MRPS9: variants seen among roughly 807,000 people sequenced by gnomAD.
The protein encoded by MRPS9 is small ribosomal subunit protein uS9m.
In MRPS9, 45 loss-of-function variants were observed where a neutral mutation model predicts 59.9. The ratio of observed to expected loss-of-function variants is 0.75; its 90% CI spans 0.59 to 0.96. The LOEUF is 0.96. MRPS9 is among the 40% of genes least tolerant of loss of function. MRPS9 has a pLI of 0.00. For synonymous variants in MRPS9, 171 were observed against 166.8 expected (o/e 1.03, Z -0.19); for missense variants, 473 against 481.1 (o/e 0.98, Z 0.16).
intron 5 of MRPS9, among the ~76,000 whole-genome samples, chr2:105,084,859 T>A (rs1482611702): frequency 6.6e-6 from 1 of 152,190 alleles, no homozygotes; most frequent in Admixed American, 6.5e-5. Context: ...ATATCTGGTA[T>A]GCTCCAAGTG....
chr2:105,077,916 TAA>T (rs1377801829), intron 4 of MRPS9, among the ~76,000 whole-genome samples: 1 of 152,180 alleles, frequency 6.6e-6, no homozygotes, highest in Non-Finnish European at 1.5e-5. Context: ...TAACTTTACT[TAA>T]AGTTTTGGCA....
At chr2:105,083,256 T>C (rs962709263) in intron 5 of MRPS9, among the ~76,000 whole-genome samples, 1 of 152,204 alleles carries the variant, frequency 6.6e-6, no homozygotes, top group Non-Finnish European at 1.5e-5. Context: ...TACAGCAAGA[T>C]AACCGAGTTG....
intron 1 of MRPS9, among the ~76,000 whole-genome samples, chr2:105,040,590 A>T (rs1023035945): frequency 2.6e-5 from 4 of 152,180 alleles, no homozygotes; most frequent in African/African-American, 9.7e-5. Flanking sequence ...CTCAGTTGAG[A>T]CCTTCACTAG....
intron 8 of MRPS9, 43 bp downstream of exon 8, chr2:105,092,612 G>C (rs747783510): frequency 5.7e-6 from 8 of 1,402,426 alleles, no homozygotes; most frequent in Non-Finnish European, 7.6e-6. Context: ...AGTGAAGGTT[G>C]AAAAACTACA....
intron 5 of MRPS9, among the ~76,000 whole-genome samples, chr2:105,088,347 T>C (rs1680490253): frequency 6.6e-6 from 1 of 152,192 alleles, no homozygotes; most frequent in Non-Finnish European, 1.5e-5. Context: ...TGCTGGATTA[T>C]TGCTTTTTGC....
chr2:105,075,476 C>T (rs1030052214), intron 4 of MRPS9, among the ~76,000 whole-genome samples: 3 of 152,160 alleles, frequency 2.0e-5, no homozygotes, highest in African/African-American at 4.8e-5. Flanking sequence ...AAGGTTTTGT[C>T]GGGAAGCTCT....
chr2:105,065,103 G>A (rs12623986), intron 2 of MRPS9, among the ~76,000 whole-genome samples: 32,924 of 152,120 alleles, frequency 0.22, 3,635 homozygotes, highest in Middle Eastern at 0.35. Context: ...TTCTAAACTA[G>A]CAGAGTGCCT....
chr2:105,092,578 A>G lies in MRPS9; in HGVS notation c.820+9A>G. ...CTTTAGCAAAAGTGAAGGTAATGACATTCTGTGGAGAGAAAATAAATTCAG... is the reference window on the plus strand; with the variant it reads ...CTTTAGCAAAAGTGAAGGTAATGACGTTCTGTGGAGAGAAAATAAATTCAG... On this transcript the variant is annotated intron_variant, in intron 8 of 10. Transcript: ENST00000258455. The G allele has an allele frequency of 6.5e-7, 1 of 1,531,202 alleles. No individual in the cohort carries two copies. Among genetic ancestry groups the G allele is most frequent in the Non-Finnish European group, 8.8e-7 (1 of 1,138,354 alleles). 94.9% of individuals were successfully genotyped at this position (1,531,202 alleles called of 1,614,324 possible).
chr2:105,088,248 A>G (rs1573446409), intron 5 of MRPS9, among the ~76,000 whole-genome samples: 1 of 152,332 alleles, frequency 6.6e-6, no homozygotes, highest in Middle Eastern at 3.4e-3. Context: ...GTTAGTCTCA[A>G]AAAGTTAAGT....
At chr2:105,092,367 C>T in intron 7 of MRPS9, 34 bp from the exon 8 acceptor site, 1 of 1,549,320 alleles carries the variant, frequency 6.5e-7, no homozygotes. Flanking sequence ...TGCAATTACA[C>T]TTGCACCTTC....
At chr2:105,056,810 G>A (rs1369452753) in intron 2 of MRPS9, among the ~76,000 whole-genome samples, 1 of 152,252 alleles carries the variant, frequency 6.6e-6, no homozygotes, top group Non-Finnish European at 1.5e-5. Context: ...TTATTAAAGA[G>A]TACAATGTGA....
At chr2:105,064,487 T>C (rs1267746511) in intron 2 of MRPS9, among the ~76,000 whole-genome samples, 1 of 152,208 alleles carries the variant, frequency 6.6e-6, no homozygotes, top group Admixed American at 6.5e-5. Context: ...CTTGTTTAGA[T>C]GGATGCTTCA....
chr2:105,070,794 A>T (rs1362457449), intron 2 of MRPS9, among the ~76,000 whole-genome samples: 4 of 152,220 alleles, frequency 2.6e-5, no homozygotes, highest in Admixed American at 6.5e-5. Context: ...TGTCACACCC[A>T]CAATGCCAGT....
At chr2:105,066,975 C>T (rs193244578) in intron 2 of MRPS9, among the ~76,000 whole-genome samples, 3 of 152,216 alleles carry the variant, frequency 2.0e-5, no homozygotes, top group East Asian at 3.9e-4. Context: ...TAAATATAAA[C>T]GCATACCCCC....
intron 2 of MRPS9, among the ~76,000 whole-genome samples, chr2:105,061,710 G>T (rs146998885): frequency 1.3e-5 from 2 of 152,080 alleles, no homozygotes; most frequent in African/African-American, 2.4e-5. Context: ...TGCACTGCCT[G>T]GGGGGAGGAG....
chr2:105,097,230 C>T lies in MRPS9; in HGVS notation c.1005C>T (p.Gly335=), dbSNP rs1189465335. The T allele has an allele frequency of 2.4e-5, 39 of 1,612,352 alleles. No homozygotes were observed. The highest frequency in any genetic ancestry group is 3.2e-5 in the Non-Finnish European group (38 of 1,179,280). The change falls in exon 10 of 11, where the codon GGC becomes GGT. Residue 335 remains glycine, a synonymous_variant. Transcript: ENST00000258455. ...KHDVTCTVSG[G]GRSAQAGAIR... Reference sequence around the variant, plus strand: ...ACGTGACCTGCACAGTCTCAGGGGGCGGGAGGTCAGCGCAGGCTGGAGCAA... The same window carrying T: ...ACGTGACCTGCACAGTCTCAGGGGGTGGGAGGTCAGCGCAGGCTGGAGCAA...
intron 5 of MRPS9, among the ~76,000 whole-genome samples, chr2:105,087,427 C>A (rs376267624): frequency 4.9e-4 from 75 of 152,280 alleles, no homozygotes; most frequent in Non-Finnish European, 6.2e-4. Context: ...GCTGCTGCTG[C>A]TGATGATGAT....
At chr2:105,071,067 C>G (rs1055150231) in intron 2 of MRPS9, among the ~76,000 whole-genome samples, 1 of 152,174 alleles carries the variant, frequency 6.6e-6, no homozygotes, top group Non-Finnish European at 1.5e-5. Context: ...TATTTGTGCT[C>G]TCATATTCAA....
chr2:105,056,749 G>C (rs11900121), intron 2 of MRPS9, among the ~76,000 whole-genome samples: 1 of 152,008 alleles, frequency 6.6e-6, no homozygotes, highest in Non-Finnish European at 1.5e-5. Context: ...TAATTTATGT[G>C]TGAAAATTAC....
Sources: allele counts gnomAD v4.1 joint callset (sites outside exome capture counted in the v4.1 genomes callset), GRCh38; gene constraint gnomAD v4.1.1; transcripts MANE v1.5; gene names NCBI Gene and HGNC (gene_info 2026-07-23, HGNC 2026-07-21).